Variants in CDC14B observed in about 807,000 individuals in gnomAD.
CDC14B encodes the protein dual specificity protein phosphatase CDC14B.
In CDC14B, 22 loss-of-function variants were observed where a neutral mutation model predicts 64.2. That is an observed-to-expected ratio of 0.34 (90% CI 0.24 to 0.49). CDC14B has a LOEUF of 0.49. Ranked by LOEUF, CDC14B falls within the 20% of genes least tolerant of loss-of-function variation. CDC14B has a pLI of 0.99. For synonymous variants in CDC14B, 191 were observed against 215.8 expected (o/e 0.89, Z 1.01); for missense variants, 498 against 629.9 (o/e 0.79, Z 2.24).
intron 1 of CDC14B, among the ~76,000 whole-genome samples, chr9:96,571,551 G>A (rs1844477763): frequency 6.6e-6 from 1 of 152,096 alleles, no homozygotes. Flanking sequence ...GAAAAACTAG[G>A]AGAGACTTGG....
intron 1 of CDC14B, among the ~76,000 whole-genome samples, chr9:96,578,389 A>T (rs573276946): frequency 6.6e-6 from 1 of 152,352 alleles, no homozygotes; most frequent in South Asian, 2.1e-4. Flanking sequence ...CGAAGAATAC[A>T]GTGTGGAAAG....
chr9:96,518,924 C>T (rs563725231), intron 12 of CDC14B, among the ~76,000 whole-genome samples: 1 of 152,070 alleles, frequency 6.6e-6, no homozygotes, highest in Non-Finnish European at 1.5e-5. Context: ...ATCACGAGGT[C>T]AGGAGATCGA....
At chr9:96,607,670 G>A (rs966427104) in intron 1 of CDC14B, among the ~76,000 whole-genome samples, 43 of 152,008 alleles carry the variant, frequency 2.8e-4, no homozygotes, top group African/African-American at 1.0e-3. Context: ...TGATCCACCC[G>A]CCTTGGCCTC....
chr9:96,580,450 T>G (rs543418960), intron 1 of CDC14B, among the ~76,000 whole-genome samples: 1 of 152,314 alleles, frequency 6.6e-6, no homozygotes, highest in South Asian at 2.1e-4. Flanking sequence ...AGGCTTGTCT[T>G]GAATTCCCCA....
chr9:96,612,687 T>C (rs1177998199), intron 1 of CDC14B, among the ~76,000 whole-genome samples: 2 of 152,236 alleles, frequency 1.3e-5, no homozygotes, highest in African/African-American at 2.4e-5. Flanking sequence ...GGTTACTCTA[T>C]ATGCTAGTTC....
At chr9:96,579,300 G>A (rs1844995964) in intron 1 of CDC14B, among the ~76,000 whole-genome samples, 1 of 151,814 alleles carries the variant, frequency 6.6e-6, no homozygotes, top group Admixed American at 6.6e-5. Context: ...TAAGATGAGA[G>A]ATACAGGCCA....
intron 3 of CDC14B, 57 bp from the exon 4 acceptor site, chr9:96,562,842 T>C: frequency 8.8e-7 from 1 of 1,130,624 alleles, no homozygotes; most frequent in Non-Finnish European, 1.3e-6. Context: ...TCTTCCACAA[T>C]TTCATTTTGT....
At chr9:96,570,995 A>G (rs1182498847) in intron 1 of CDC14B, among the ~76,000 whole-genome samples, 4 of 152,228 alleles carry the variant, frequency 2.6e-5, no homozygotes, top group African/African-American at 9.7e-5. Flanking sequence ...ACCCAGAGAT[A>G]TATGAACACT....
At chr9:96,499,071 T>C (rs1174293055), downstream of CDC14B, among the ~76,000 whole-genome samples, 1 of 152,230 alleles carries the variant, frequency 6.6e-6, no homozygotes, top group African/African-American at 2.4e-5. Flanking sequence ...TGGCGCCAGC[T>C]GCCTGAGCTC....
At chr9:96,576,612 G>A (rs1407289776) in intron 1 of CDC14B, among the ~76,000 whole-genome samples, 12 of 131,590 alleles carry the variant, frequency 9.1e-5, no homozygotes, top group South Asian at 4.9e-4. Context: ...CAGCCAGGGC[G>A]ACAGAGCGAG....
chr9:96,570,397 G>T (rs143137319), intron 1 of CDC14B, among the ~76,000 whole-genome samples: 7 of 152,210 alleles, frequency 4.6e-5, no homozygotes, highest in African/African-American at 1.7e-4. Flanking sequence ...TGAACTGGGT[G>T]TATGGCCTTC....
chr9:96,578,745 G>A (rs1217396148), intron 1 of CDC14B, among the ~76,000 whole-genome samples: 1 of 152,216 alleles, frequency 6.6e-6, no homozygotes, highest in African/African-American at 2.4e-5. Context: ...TCAGAATAGA[G>A]AAAGGTTAAT....
At chr9:96,604,388 T>C (rs915581561) in intron 1 of CDC14B, among the ~76,000 whole-genome samples, 3 of 144,630 alleles carry the variant, frequency 2.1e-5, no homozygotes, top group African/African-American at 7.8e-5. Flanking sequence ...ATTATTATTA[T>C]TATTATTTTG....
At chr9:96,528,308 G>A (rs1323498002) in intron 9 of CDC14B, among the ~76,000 whole-genome samples, 4 of 152,106 alleles carry the variant, frequency 2.6e-5, no homozygotes, top group African/African-American at 7.2e-5. Context: ...GACTACTTGA[G>A]GTCAGGAGTT....
At chr9:96,576,576 G>C (rs1451888981) in intron 1 of CDC14B, among the ~76,000 whole-genome samples, 2 of 147,918 alleles carry the variant, frequency 1.4e-5, no homozygotes, top group African/African-American at 5.0e-5. Flanking sequence ...GAGACTGCAG[G>C]GAGCTGAGAT....
intron 9 of CDC14B, among the ~76,000 whole-genome samples, chr9:96,526,878 G>A (rs1053081492): frequency 1.4e-4 from 22 of 152,240 alleles, no homozygotes; most frequent in Admixed American, 1.1e-3. Context: ...GCCAAATGTC[G>A]GGTGTGTGAT....
chr9:96,543,239 G>A (rs1041980375), intron 5 of CDC14B, among the ~76,000 whole-genome samples: 1 of 152,016 alleles, frequency 6.6e-6, no homozygotes, highest in African/African-American at 2.4e-5. Flanking sequence ...CGAGGCTGAG[G>A]CAGGAGAATG....
intron 4 of CDC14B, among the ~76,000 whole-genome samples, chr9:96,553,070 G>A (rs928904466): frequency 4.6e-5 from 7 of 152,150 alleles, no homozygotes; most frequent in African/African-American, 1.2e-4. Flanking sequence ...ACACCAATCC[G>A]ATTCACTGAT....
chr9:96,515,607 C>A lies in CDC14B; in HGVS notation c.1344-5818G>T. On this transcript the variant is annotated intron_variant, in intron 12 of 13. Coordinates refer to ENST00000375241, the MANE Select transcript of CDC14B (RefSeq NM_033331.4). The surrounding 1 kb of genome is among the most constrained non-coding windows in gnomAD (Gnocchi z 4.3). ...TGCATTGTGGGAACCACACTAGGCA[C>A]CAGAAGTAAGCAACGGCAGAGAAAC... 1 of 1,509,456 alleles carries A rather than the reference C, an allele frequency of 6.6e-7. No homozygotes were observed. The highest frequency in any genetic ancestry group is 1.4e-5 in the African/African-American group (1 of 72,002). 93.5% of individuals were successfully genotyped at this position (1,509,456 alleles called of 1,614,324 possible).
Sources: allele counts gnomAD v4.1 joint callset (sites outside exome capture counted in the v4.1 genomes callset), GRCh38; gene constraint gnomAD v4.1.1; non-coding constraint Gnocchi (gnomAD v3.1); transcripts MANE v1.5; gene names NCBI Gene and HGNC (gene_info 2026-07-23, HGNC 2026-07-21).